The following GFOD1 variants were observed in gnomAD, a reference collection of about 807,000 sequenced individuals.
GFOD1 encodes Gfo/Idh/MocA-like oxidoreductase domain containing 1.
Under a neutral mutation model 25.4 loss-of-function variants are expected in GFOD1, and 9 were observed. The ratio of observed to expected loss-of-function variants is 0.35; its 90% CI spans 0.21 to 0.62. GFOD1 has a LOEUF of 0.62. GFOD1 is among the 20% of genes least tolerant of loss of function. GFOD1 has a pLI of 0.72. For synonymous variants in GFOD1, 253 were observed against 245.6 expected (o/e 1.03, Z -0.28); for missense variants, 403 against 556.9 (o/e 0.72, Z 2.78).
intron 1 of GFOD1, among the ~76,000 whole-genome samples, chr6:13,485,125 A>G (rs2127580521): frequency 6.6e-6 from 1 of 152,364 alleles, no homozygotes; most frequent in Admixed American, 6.5e-5. Flanking sequence ...CAAAGGGCAG[A>G]CACTTAATAA....
intron 1 of GFOD1, among the ~76,000 whole-genome samples, chr6:13,400,061 ATTT>A (rs199701343): frequency 1.4e-5 from 2 of 146,856 alleles, no homozygotes; most frequent in Admixed American, 1.4e-4. Flanking sequence ...GGGGATTCTG[ATTT>A]TTTTTTTTTA....
intron 1 of GFOD1, among the ~76,000 whole-genome samples, chr6:13,447,812 CA>C (rs1758031280): frequency 7.8e-6 from 1 of 127,406 alleles, no homozygotes; most frequent in Non-Finnish European, 1.7e-5. Context: ...GAAAAGGCAT[CA>C]ATCAAAAAAG....
At chr6:13,382,504 G>A (rs975320102) in intron 1 of GFOD1, among the ~76,000 whole-genome samples, 2 of 152,138 alleles carry the variant, frequency 1.3e-5, no homozygotes, top group African/African-American at 4.8e-5. Flanking sequence ...CCGTGATTGT[G>A]AGGCCTCCCC....
At chr6:13,471,801 C>A (rs1483951617) in intron 1 of GFOD1, among the ~76,000 whole-genome samples, 1 of 152,182 alleles carries the variant, frequency 6.6e-6, no homozygotes, top group East Asian at 1.9e-4. Flanking sequence ...GAACTTTCTG[C>A]AATGATGGAT....
intron 1 of GFOD1, among the ~76,000 whole-genome samples, chr6:13,405,770 T>G (rs1785933565): frequency 6.6e-6 from 1 of 152,214 alleles, no homozygotes; most frequent in African/African-American, 2.4e-5. Flanking sequence ...GCTTCTATTT[T>G]TGCTGCTGTT....
intron 1 of GFOD1, among the ~76,000 whole-genome samples, chr6:13,381,599 A>G (rs1785363439): frequency 6.6e-6 from 1 of 152,196 alleles, no homozygotes; most frequent in Non-Finnish European, 1.5e-5. Flanking sequence ...GGGCTCCTGG[A>G]CAATCAGCCA....
Position 13,357,925 on chromosome 6 carries a change from C to T in GFOD1, c.*6818G>A, listed in dbSNP as rs1584599440. The T allele has an allele frequency of 6.6e-6, 1 of 152,324 alleles. No individual in the cohort carries two copies. The highest frequency in any genetic ancestry group is 1.5e-5 in the Non-Finnish European group (1 of 68,080). The allele number at this position is 152,324 out of a possible 1,614,324, so 9.4% of individuals were successfully genotyped here. A position where few individuals can be genotyped will look rare whatever the true frequency, so the allele number is the denominator to read the frequency against. On this transcript the variant is annotated 3_prime_UTR_variant, in exon 2 of 2. Coordinates refer to ENST00000379287, the MANE Select transcript of GFOD1 (RefSeq NM_018988.4). ...AGCTGGAAGCCACGTCAGAGCGGCA[C>T]AGGCCAGCTGGCTGAGTGATGCTGA...
At chr6:13,377,174 C>T (rs1181386038) in intron 1 of GFOD1, among the ~76,000 whole-genome samples, 1 of 152,158 alleles carries the variant, frequency 6.6e-6, no homozygotes, top group East Asian at 1.9e-4. Flanking sequence ...AGTTAGATGG[C>T]ATGTACATCT....
intron 1 of GFOD1, among the ~76,000 whole-genome samples, chr6:13,399,200 G>A (rs540635612): frequency 1.5e-3 from 228 of 152,070 alleles, no homozygotes; most frequent in African/African-American, 5.3e-3. Context: ...TGGCATGTAG[G>A]GACAGTTTTT....
At chr6:13,454,438 T>G (rs931899284) in intron 1 of GFOD1, among the ~76,000 whole-genome samples, 1 of 152,174 alleles carries the variant, frequency 6.6e-6, no homozygotes, top group Non-Finnish European at 1.5e-5. Flanking sequence ...ACATAATAAT[T>G]GCACCTTTGT....
chr6:13,405,462 T>C (rs902883118), intron 1 of GFOD1, among the ~76,000 whole-genome samples: 3 of 152,248 alleles, frequency 2.0e-5, no homozygotes, highest in African/African-American at 4.8e-5. Context: ...GTGTATGTTT[T>C]ATATTTACAG....
At chr6:13,409,837 G>A (rs912165216) in intron 1 of GFOD1, among the ~76,000 whole-genome samples, 4 of 151,596 alleles carry the variant, frequency 2.6e-5, no homozygotes, top group African/African-American at 9.7e-5. Flanking sequence ...GCAGGAGAAT[G>A]GTGTAAACCC....
At chr6:13,381,023 T>C (rs1038187764) in intron 1 of GFOD1, among the ~76,000 whole-genome samples, 1 of 152,166 alleles carries the variant, frequency 6.6e-6, no homozygotes, top group African/African-American at 2.4e-5. Context: ...AGGGACCCAA[T>C]GACAACCACT....
intron 1 of GFOD1, among the ~76,000 whole-genome samples, chr6:13,373,947 C>G (rs1413166394): frequency 2.0e-5 from 3 of 152,150 alleles, no homozygotes; most frequent in East Asian, 1.9e-4. Flanking sequence ...TTCTTAACAT[C>G]AATACAACTT....
At chr6:13,378,519 T>C (rs889801574) in intron 1 of GFOD1, among the ~76,000 whole-genome samples, 1 of 152,216 alleles carries the variant, frequency 6.6e-6, no homozygotes, top group Non-Finnish European at 1.5e-5. Flanking sequence ...TCCATATCCA[T>C]GGCAGTGAAC....
chr6:13,368,051 G>A (rs1475158234), intron 1 of GFOD1, among the ~76,000 whole-genome samples: 1 of 152,244 alleles, frequency 6.6e-6, no homozygotes, highest in African/African-American at 2.4e-5. Flanking sequence ...CTAAGATGGG[G>A]TTTTGTAGAA....
intron 1 of GFOD1, among the ~76,000 whole-genome samples, chr6:13,394,008 A>T (rs1359149846): frequency 6.6e-6 from 1 of 150,886 alleles, no homozygotes; most frequent in Non-Finnish European, 1.5e-5. Context: ...CGATCTCCTG[A>T]CCTTGTGATC....
chr6:13,381,409 A>C (rs516003), intron 1 of GFOD1, among the ~76,000 whole-genome samples: 66,242 of 152,050 alleles, frequency 0.44, 16,997 homozygotes, highest in East Asian at 0.67. Context: ...CACCTAATAC[A>C]GTGAGGCCCT....
Position 13,474,063 on chromosome 6 carries a change from G to A in GFOD1, c.253+12575C>T, listed in dbSNP as rs147955885. 5.3e-5 allele frequency among the ~76,000 whole-genome samples: 8 copies of A among 152,298 alleles called. No individual in the cohort carries two copies. The East Asian group carries it at 9.6e-4, about 18-fold the overall frequency. ...AGTGTCTCATTCAAACACACAAAACGTTTTATGAGGGGGATCCTGTTAACA... is the reference window on the plus strand; with the variant it reads ...AGTGTCTCATTCAAACACACAAAACATTTTATGAGGGGGATCCTGTTAACA... On this transcript the variant is annotated intron_variant, in intron 1 of 1. Transcript: ENST00000379287.
Sources: allele counts gnomAD v4.1 joint callset (sites outside exome capture counted in the v4.1 genomes callset), GRCh38; gene constraint gnomAD v4.1.1; transcripts MANE v1.5; gene names NCBI Gene and HGNC (gene_info 2026-07-23, HGNC 2026-07-21).